NME8: variants seen among roughly 807,000 people sequenced by gnomAD.
NME8 encodes the protein NME/NM23 family member 8.
NME8 carries 72 observed loss-of-function variants against 82.3 expected under a neutral mutation model. The observed-to-expected ratio is 0.87, with a 90% CI of 0.72 to 1.06. The LOEUF (loss-of-function observed/expected upper bound fraction) is 1.06. Among genes scored for constraint, NME8 ranks in the 50% least tolerant of loss-of-function variants. The probability of loss-of-function intolerance (pLI) is 0.00; values close to 1 mark genes in which losing one functional copy is unlikely to be tolerated. For synonymous variants in NME8, 267 were observed against 228.5 expected (o/e 1.17, Z -1.52); for missense variants, 712 against 685.4 (o/e 1.04, Z -0.43).
chr7:37,872,047 G>C (rs1784773922), intron 11 of NME8, among the ~76,000 whole-genome samples: 1 of 151,446 alleles, frequency 6.6e-6, no homozygotes, highest in East Asian at 2.0e-4. Flanking sequence ...GGGTGGTGTG[G>C]TGTTTTCTCC....
At position 37,876,993 on chromosome 7, in the gene NME8, T is replaced by C. The variant is rs2131960339; in HGVS notation, c.980T>C (p.Phe327Ser). 6.2e-7 allele frequency: 1 copy of C among 1,612,738 alleles called. No homozygotes were observed. Among genetic ancestry groups the C allele is most frequent in the East Asian group, 2.2e-5 (1 of 44,704 alleles). Residue 327 changes from phenylalanine to serine, a missense_variant, in exon 12 of 18, where the codon TTT (phenylalanine) becomes TCT (serine). Physicochemically the swap from Phe to Ser is radical, Grantham distance 155 (BLOSUM62 -2). Transcript: ENST00000199447. ...TTGGCATTACTTCGACCAAATCTCT[T>C]TCATGAAAGGAAAGGTAGGGAATCA... is the stretch of plus-strand genomic sequence containing the variant. ...KTLALLRPNL[F>S]HERKDDVLRI...
intron 12 of NME8, among the ~76,000 whole-genome samples, chr7:37,883,945 T>C (rs1785002096): frequency 6.6e-6 from 1 of 150,868 alleles, no homozygotes; most frequent in African/African-American, 2.4e-5. Flanking sequence ...TGTTGGTTGA[T>C]TATTTAGGTT....
chr7:37,884,551 A>G, intron 13 of NME8, 104 bp downstream of exon 13: 1 of 976,848 alleles, frequency 1.0e-6, no homozygotes, highest in Admixed American at 1.9e-5. Flanking sequence ...TCAAGTCTGT[A>G]AACATGTTCT....
intron 5 of NME8, among the ~76,000 whole-genome samples, 194 bp downstream of exon 5, chr7:37,850,929 A>T (rs999921846): frequency 1.3e-5 from 2 of 152,190 alleles, no homozygotes; most frequent in Non-Finnish European, 2.9e-5. Context: ...TCCCATTCTT[A>T]TAACGTCGAG....
rs144732591 is a variant in NME8, at chr7:37,877,687, G to A, written c.994+680G>A. Among the ~76,000 whole-genome samples the A allele has an allele frequency of 5.0e-3, 755 of 152,184 alleles. 11 individuals carry two copies. The highest frequency in any genetic ancestry group is 0.017 in the African/African-American group (726 of 41,510). ...AACCTCAGACCGGCTTACATTTTGG[G>A]CCAGATCATTCTTTGTCCAGGGTGG... On this transcript the variant is annotated intron_variant, in intron 12 of 17. Transcript: ENST00000199447.
rs2131960261 is a variant in NME8, at chr7:37,876,925, C to T, written c.912C>T (p.Phe304=). ...ANVAKFMDAF[F]PDFKKMKSMK... is the part of the protein sequence containing the mutation. ...TTGCTAAGTTCATGGATGCTTTCTT[C>T]CCCGATTTTAAAAAAATGAAAAGCA... Residue 304 remains phenylalanine (F), a synonymous_variant, in exon 12 of 18, where the codon TTC becomes TTT. Coordinates refer to ENST00000199447, the MANE Select transcript of NME8 (RefSeq NM_016616.5). The T allele has an allele frequency of 1.2e-6, 2 of 1,612,696 alleles. No individual in the cohort carries two copies. Among genetic ancestry groups the T allele is most frequent in the East Asian group, 4.5e-5 (2 of 44,692 alleles).
chr7:37,891,846 A>C (rs1785134114), intron 15 of NME8, among the ~76,000 whole-genome samples: 1 of 151,984 alleles, frequency 6.6e-6, no homozygotes, highest in African/African-American at 2.4e-5. Context: ...CTGAGTGCCT[A>C]TTATTTGTTT....
intron 6 of NME8, among the ~76,000 whole-genome samples, chr7:37,859,224 G>A (rs1562829772): frequency 6.6e-6 from 1 of 152,110 alleles, no homozygotes; most frequent in Non-Finnish European, 1.5e-5. Context: ...CTCTCCTTAA[G>A]TGTACCATCC....
At chr7:37,899,524 C>T (rs1351876468) in intron 17 of NME8, among the ~76,000 whole-genome samples, 1 of 151,738 alleles carries the variant, frequency 6.6e-6, no homozygotes, top group Admixed American at 6.6e-5. Flanking sequence ...TAGAGCCTGT[C>T]GGTGGGGGCT....
intron 6 of NME8, among the ~76,000 whole-genome samples, chr7:37,859,231 A>C (rs543635541): frequency 6.6e-6 from 1 of 152,162 alleles, no homozygotes; most frequent in South Asian, 2.1e-4. Context: ...TAAGTGTACC[A>C]TCCAATCCAT....
chr7:37,892,971 AT>A (rs1167141184), intron 15 of NME8, among the ~76,000 whole-genome samples: 3 of 151,750 alleles, frequency 2.0e-5, no homozygotes, highest in Non-Finnish European at 4.4e-5. Context: ...TAGCATAGTA[AT>A]TTTAATTTTA....
intron 12 of NME8, among the ~76,000 whole-genome samples, chr7:37,882,873 C>G (rs1159833761): frequency 2.6e-5 from 4 of 152,048 alleles, no homozygotes; most frequent in Non-Finnish European, 5.9e-5. Flanking sequence ...GGACATAGTG[C>G]AAGCAAAATA....
intron 17 of NME8, 96 bp downstream of exon 17, chr7:37,897,203 A>T (rs1208675296): frequency 7.7e-6 from 6 of 777,310 alleles, no homozygotes; most frequent in Non-Finnish European, 1.3e-5. Context: ...ACTTTTCCTA[A>T]ATTCCTGAAT....
Position 37,896,925 on chromosome 7 carries a change from C to T in NME8, c.1600C>T (p.Arg534Ter), listed in dbSNP as rs142525551. 2.5e-4 allele frequency: 399 copies of T among 1,613,770 alleles called. 1 individual carries two copies. In the African/African-American group the frequency reaches 4.1e-3, roughly 17 times the overall value. ...GTGGAATGCTGTTGCAGAATGGAGA[C>T]GATTGATGGGCCCAACAGACCCAGA... The part of the protein sequence containing the change: ...TKWNAVAEWR[R>*]LMGPTDPEEA... Residue 534 changes from arginine to a stop codon, truncating the protein, a stop_gained, in exon 17 of 18, where the codon CGA becomes TGA. Transcript: ENST00000199447. LOFTEE classifies it high-confidence loss of function.
chr7:37,858,991 A>G (rs1341331549), intron 6 of NME8, among the ~76,000 whole-genome samples: 3 of 152,000 alleles, frequency 2.0e-5, no homozygotes, highest in Non-Finnish European at 4.4e-5. Flanking sequence ...TCTCCACATG[A>G]CATGCTGTCT....
intron 6 of NME8, among the ~76,000 whole-genome samples, chr7:37,860,775 G>A (rs2131946142): frequency 6.6e-6 from 1 of 152,232 alleles, no homozygotes; most frequent in South Asian, 2.1e-4. Context: ...GCATCTCACA[G>A]CAAACTCATT....
chr7:37,861,378 C>T (rs1036037489), intron 6 of NME8, among the ~76,000 whole-genome samples: 10 of 152,242 alleles, frequency 6.6e-5, no homozygotes, highest in South Asian at 4.1e-4. Context: ...AGCTCTTACC[C>T]GTCTTTCATA....
rs201867197 is a variant in NME8, at chr7:37,888,370, C to T, written c.1341C>T (p.Phe447=). 1 of 1,613,282 alleles carries T rather than the reference C, an allele frequency of 6.2e-7. No homozygotes were observed. The highest frequency in any genetic ancestry group is 1.3e-5 in the African/African-American group (1 of 74,896). Residue 447 remains phenylalanine, a synonymous_variant, in exon 15 of 18, where the codon TTC becomes TTT. Coordinates refer to ENST00000199447, the MANE Select transcript of NME8 (RefSeq NM_016616.5). ...LETAEREIQH[F]FPLQSTLGLI... Reference sequence around the variant, plus strand: ...CCGCTGAAAGGGAAATACAGCATTTCTTTCCTCTTCAAAGCACTTTAGGCT... The same window carrying T: ...CCGCTGAAAGGGAAATACAGCATTTTTTTCCTCTTCAAAGCACTTTAGGCT...
chr7:37,865,662 G>C (rs1784665797), intron 10 of NME8, 45 bp downstream of exon 10: 1 of 1,281,092 alleles, frequency 7.8e-7, no homozygotes, highest in Admixed American at 1.7e-5. Context: ...TTTAAATACA[G>C]TGGCCTCCAT....
Sources: gnomAD v4.1 joint callset for allele counts (sites outside exome capture counted in the v4.1 genomes callset) on GRCh38, gnomAD v4.1.1 for gene constraint, MANE v1.5 for transcripts, NCBI Gene and HGNC (gene_info 2026-07-23, HGNC 2026-07-21) for gene names.